The following VASH2 variants were observed in gnomAD, a reference collection of about 807,000 sequenced individuals.
VASH2 encodes the protein tubulinyl-Tyr carboxypeptidase 2.
Under a neutral mutation model 37.2 loss-of-function variants are expected in VASH2, and 28 were observed. The observed-to-expected ratio is 0.75, with a 90% CI of 0.56 to 1.03. The LOEUF (loss-of-function observed/expected upper bound fraction) is 1.03, where lower values mean the gene tolerates loss of function less well. VASH2 is among the 50% of genes least tolerant of loss of function. The pLI, the probability that VASH2 is intolerant of heterozygous loss-of-function variation, is 0.00. For synonymous variants in VASH2, 188 were observed against 174.7 expected (o/e 1.08, Z -0.60); for missense variants, 419 against 459.1 (o/e 0.91, Z 0.80).
chr1:212,961,118 C>T, intron 2 of VASH2, 48 bp from the exon 3 acceptor site: 3 of 1,592,550 alleles, frequency 1.9e-6, no homozygotes, highest in East Asian at 2.2e-5. Flanking sequence ...AAGCTGGGCC[C>T]CAGAGCGCCT....
At chr1:212,968,737 G>A (rs1380458629) in intron 5 of VASH2, 2 of 985,348 alleles carry the variant, frequency 2.0e-6, no homozygotes, top group East Asian at 1.1e-4. Flanking sequence ...AGCCACAGCT[G>A]TTCAGCGAAG....
intron 2 of VASH2, among the ~76,000 whole-genome samples, chr1:212,960,095 A>C (rs1425711174): frequency 1.3e-5 from 2 of 152,238 alleles, no homozygotes; most frequent in Non-Finnish European, 2.9e-5. Context: ...CTGGCTTTTC[A>C]GCAGCGACTT....
At chr1:212,955,485 G>T (rs763368463) in intron 2 of VASH2, among the ~76,000 whole-genome samples, 1 of 152,236 alleles carries the variant, frequency 6.6e-6, no homozygotes, top group Non-Finnish European at 1.5e-5. Context: ...GCAAGAGTCA[G>T]TTGGAGGATA....
Position 212,989,406 on chromosome 1 carries a change from ATTATACAAATTTAGC to A in VASH2, c.*823_*837del, listed in dbSNP as rs1474118539. The A allele has an allele frequency of 3.3e-5, 5 of 152,246 alleles. No homozygotes were observed. The highest frequency in any genetic ancestry group is 7.3e-5 in the Non-Finnish European group (5 of 68,060). The allele number at this position is 152,246 out of a possible 1,614,324, so 9.4% of individuals were successfully genotyped here. A position where few individuals can be genotyped will look rare whatever the true frequency, so the allele number is the denominator to read the frequency against. Reference sequence around the variant, plus strand: ...CAAAAAGCACAAGAGGTCACGTACTATTATACAAATTTAGCGGTACTGGATTTACCTCTGACATTA... The same window carrying A: ...CAAAAAGCACAAGAGGTCACGTACTAGGTACTGGATTTACCTCTGACATTA... On this transcript the variant is annotated 3_prime_UTR_variant, in exon 8 of 8. Coordinates refer to ENST00000517399, the MANE Select transcript of VASH2 (RefSeq NM_001301056.2).
At chr1:212,985,568 C>T (rs1572084670) in intron 7 of VASH2, among the ~76,000 whole-genome samples, 2 of 152,106 alleles carry the variant, frequency 1.3e-5, no homozygotes, top group East Asian at 3.9e-4. Context: ...AGGAATGCGC[C>T]ATCATACCCG....
chr1:212,976,927 C>T (rs750575736), intron 7 of VASH2, among the ~76,000 whole-genome samples: 1 of 152,200 alleles, frequency 6.6e-6, no homozygotes, highest in Non-Finnish European at 1.5e-5. Flanking sequence ...GACCCCAGCC[C>T]CACTGGGGGA....
At position 212,988,742 on chromosome 1, in the gene VASH2, C is replaced by A; in HGVS notation, c.*158C>A. 2 of 807,272 alleles carry A rather than the reference C, an allele frequency of 2.5e-6. No homozygotes were observed. Among genetic ancestry groups the A allele is most frequent in the Non-Finnish European group, 2.0e-6 (1 of 509,196 alleles). 50.0% of individuals were successfully genotyped at this position (807,272 alleles called of 1,614,324 possible). ...AATCTGAGTGGGTGGTAACCATTAG[C>A]TTTAAAAAATTCACTAAAAGGCACC... On this transcript the variant is annotated 3_prime_UTR_variant, in exon 8 of 8. Transcript: ENST00000517399.
At chr1:212,972,521 G>A in intron 5 of VASH2, 59 bp from the exon 6 acceptor site, 1 of 1,582,250 alleles carries the variant, frequency 6.3e-7, no homozygotes, top group Non-Finnish European at 8.5e-7. Context: ...CCCTTCCTTT[G>A]CATCCAGGCT....
intron 5 of VASH2, chr1:212,966,846 GC>G: frequency 2.9e-6 from 1 of 349,040 alleles, no homozygotes; most frequent in Admixed American, 3.8e-5. Context: ...TCTGACCTCA[GC>G]CTCCTGAGTA....
chr1:212,955,017 C>A (rs1022288626), intron 2 of VASH2, among the ~76,000 whole-genome samples: 7 of 152,146 alleles, frequency 4.6e-5, no homozygotes, highest in Non-Finnish European at 1.0e-4. Context: ...CCACTCCTCT[C>A]GGATTAGAGG....
chr1:212,980,094 C>G (rs1310189706), intron 7 of VASH2, among the ~76,000 whole-genome samples: 1 of 152,108 alleles, frequency 6.6e-6, no homozygotes, highest in Non-Finnish European at 1.5e-5. Flanking sequence ...GTAAATGCCC[C>G]GCAAAGCCCA....
At chr1:212,976,226 A>G (rs990383569) in intron 7 of VASH2, among the ~76,000 whole-genome samples, 3 of 152,190 alleles carry the variant, frequency 2.0e-5, no homozygotes, top group Non-Finnish European at 4.4e-5. Flanking sequence ...TATTGGAGCC[A>G]TCTACTTAGA....
chr1:212,955,388 A>G (rs963226598), intron 2 of VASH2, among the ~76,000 whole-genome samples: 2 of 152,146 alleles, frequency 1.3e-5, no homozygotes, highest in African/African-American at 4.8e-5. Context: ...TTGTGACTGC[A>G]GGCCTCTCCC....
At chr1:212,986,621 CCA>C (rs1667486169) in intron 7 of VASH2, among the ~76,000 whole-genome samples, 1 of 152,148 alleles carries the variant, frequency 6.6e-6, no homozygotes, top group South Asian at 2.1e-4. Context: ...CATCTGGGGG[CCA>C]CTCCTCCAGG....
intron 3 of VASH2, among the ~76,000 whole-genome samples, chr1:212,964,482 T>G (rs1666775923): frequency 6.6e-6 from 1 of 152,156 alleles, no homozygotes; most frequent in Non-Finnish European, 1.5e-5. Context: ...ACAAAGCAAC[T>G]TCTCATTAGG....
chr1:212,954,930 TCCTGACATTCCCCAAGC>T (rs1666437849), intron 2 of VASH2, among the ~76,000 whole-genome samples: 1 of 152,170 alleles, frequency 6.6e-6, no homozygotes, highest in African/African-American at 2.4e-5. Context: ...TCTCCCCTGG[TCCTGACATTCCCCAAGC>T]CCTGACCCCT....
At position 212,973,395 on chromosome 1, in the gene VASH2, G is replaced by T; in HGVS notation, c.879+434G>T. On this transcript the variant is annotated intron_variant, in intron 6 of 7. Transcript: ENST00000517399. ...CTCTCAGTTTTACCTCCAAAGTGAT[G>T]TGATTCCCGCTTGTCCATGTCCCTC... 3.1e-6 allele frequency: 4 copies of T among 1,291,844 alleles called. No homozygotes were observed. The South Asian group carries it at 4.9e-5, about 16-fold the overall frequency. The allele number at this position is 1,291,844 out of a possible 1,614,324, so 80.0% of individuals were successfully genotyped here.
Position 212,974,030 on chromosome 1 carries a change from C to T in VASH2, c.955C>T (p.Gln319Ter). ...RGKSLSPRRR[Q>*]ASPPRRLGRR... ...AAAATCCCTGTCCCCCAGAAGGAGA[C>T]AGGCAAGCCCCCCGAGGAGGCTCGG... Residue 319 changes from glutamine to a stop codon, truncating the protein, a stop_gained, in exon 7 of 8, where the codon CAG becomes TAG. Transcript: ENST00000517399. LOFTEE classifies it high-confidence loss of function. 6.2e-7 allele frequency: 1 copy of T among 1,613,870 alleles called. No homozygotes were observed. The highest frequency in any genetic ancestry group is 8.5e-7 in the Non-Finnish European group (1 of 1,179,878).
At chr1:212,976,706 G>C (rs538868337) in intron 7 of VASH2, among the ~76,000 whole-genome samples, 132 of 152,290 alleles carry the variant, frequency 8.7e-4, no homozygotes, top group Non-Finnish European at 1.6e-3. Context: ...GAGGACAGCT[G>C]TCAGAGTGCC....
Sources: gnomAD v4.1 joint callset for allele counts (sites outside exome capture counted in the v4.1 genomes callset) on GRCh38, gnomAD v4.1.1 for gene constraint, MANE v1.5 for transcripts, NCBI Gene and HGNC (gene_info 2026-07-23, HGNC 2026-07-21) for gene names.